Variants in NRCAM observed in about 807,000 individuals in gnomAD.
The protein encoded by NRCAM is NgCAM-related cell adhesion molecule.
In NRCAM, 83 loss-of-function variants were observed where a neutral mutation model predicts 156.5. The observed-to-expected ratio is 0.53, with a 90% CI of 0.44 to 0.64. The LOEUF (loss-of-function observed/expected upper bound fraction) is 0.64, where lower values mean the gene tolerates loss of function less well. Among genes scored for constraint, NRCAM ranks in the 30% least tolerant of loss-of-function variants. NRCAM has a pLI of 0.00. For synonymous variants in NRCAM, 538 were observed against 563.9 expected, an observed-to-expected ratio of 0.95 and a Z score of 0.65; for missense variants, 1,417 against 1,597.3, an observed-to-expected ratio of 0.89 and a Z score of 1.92.
At chr7:108,414,480 T>C (rs1799082016) in intron 1 of NRCAM, among the ~76,000 whole-genome samples, 2 of 152,086 alleles carry the variant, frequency 1.3e-5, no homozygotes, top group South Asian at 2.1e-4. Context: ...CACTCTACAT[T>C]AGACTAGCCC....
intron 2 of NRCAM, among the ~76,000 whole-genome samples, chr7:108,376,700 A>G (rs1355409107): frequency 6.6e-6 from 1 of 152,210 alleles, no homozygotes; most frequent in East Asian, 1.9e-4. Flanking sequence ...CTAGGCAAGG[A>G]CAGTATGGGA....
At chr7:108,348,491 G>C (rs2099386409) in intron 2 of NRCAM, among the ~76,000 whole-genome samples, 1 of 152,196 alleles carries the variant, frequency 6.6e-6, no homozygotes, top group African/African-American at 2.4e-5. Context: ...CAGGATAAAA[G>C]GAGTATTTTA....
chr7:108,435,004 G>C (rs1830355613), intron 1 of NRCAM, among the ~76,000 whole-genome samples: 1 of 143,952 alleles, frequency 6.9e-6, no homozygotes, highest in Non-Finnish European at 1.5e-5. Flanking sequence ...GACAAGTAAA[G>C]AAAAAGAAAG....
chr7:108,204,095 G>A (rs944121545), intron 13 of NRCAM, among the ~76,000 whole-genome samples: 1 of 152,196 alleles, frequency 6.6e-6, no homozygotes, highest in South Asian at 2.1e-4. Context: ...CTGGTGCTCC[G>A]TTTCCAGGAT....
chr7:108,240,096 A>G lies in NRCAM; in HGVS notation c.-32T>C. ...AACTCCTGCTGAGACTCACACACTG[A>G]ATTTCCTTTTCTTCTTTCACAAAAG... On this transcript the variant is annotated 5_prime_UTR_variant, in exon 4 of 33. Coordinates refer to ENST00000379028, the MANE Select transcript of NRCAM (RefSeq NM_001037132.4). 1 of 1,457,124 alleles carries G rather than the reference A, an allele frequency of 6.9e-7. No individual in the cohort carries two copies. Among genetic ancestry groups the G allele is most frequent in the Non-Finnish European group, 9.6e-7 (1 of 1,046,622 alleles). 90.3% of individuals were successfully genotyped at this position (1,457,124 alleles called of 1,614,324 possible).
rs75112229 is a variant in NRCAM at position 108,380,407 on chromosome 7, T to C, written c.-174+19029A>G. Reference sequence around the variant, plus strand: ...CCTTTAGCTGCACCATGTGCAGCTATTGAGTTTTAAACTTCGGTTATTTGT... The same window carrying C: ...CCTTTAGCTGCACCATGTGCAGCTACTGAGTTTTAAACTTCGGTTATTTGT... On this transcript the variant is annotated intron_variant, in intron 2 of 32. Transcript: ENST00000379028. 7.7e-3 allele frequency among the ~76,000 whole-genome samples: 1,175 copies of C among 152,314 alleles called. 9 individuals are homozygous for C. Among genetic ancestry groups the C allele is most frequent in the African/African-American group, 0.02 (831 of 41,572 alleles).
chr7:108,294,393 T>C (rs2098411452), intron 3 of NRCAM, among the ~76,000 whole-genome samples: 5 of 152,018 alleles, frequency 3.3e-5, no homozygotes, highest in Admixed American at 2.6e-4. Context: ...TCTTTCTCCC[T>C]GTTGCAGTTC....
At chr7:108,157,005 G>A (rs900699824) in intron 32 of NRCAM, among the ~76,000 whole-genome samples, 3 of 152,214 alleles carry the variant, frequency 2.0e-5, no homozygotes, top group East Asian at 3.9e-4. Flanking sequence ...GGACAAAGCC[G>A]TATCTTTGTA....
intron 2 of NRCAM, among the ~76,000 whole-genome samples, chr7:108,384,459 AC>A (rs2099728745): frequency 2.0e-5 from 3 of 152,174 alleles, no homozygotes; most frequent in Non-Finnish European, 4.4e-5. Flanking sequence ...TTGTATTTGA[AC>A]TTTTAAAAAC....
At chr7:108,212,004 CTG>C (rs2084808744) in intron 11 of NRCAM, among the ~76,000 whole-genome samples, 1 of 152,218 alleles carries the variant, frequency 6.6e-6, no homozygotes, top group Admixed American at 6.5e-5. Flanking sequence ...TTTCAACCCC[CTG>C]CCACCTCCAC....
intron 2 of NRCAM, among the ~76,000 whole-genome samples, chr7:108,396,688 T>G (rs2099777825): frequency 6.6e-6 from 1 of 152,236 alleles, no homozygotes; most frequent in Admixed American, 6.5e-5. Context: ...AAAGATCACC[T>G]GTAAATATGA....
intron 11 of NRCAM, among the ~76,000 whole-genome samples, chr7:108,210,041 T>C (rs1011261977): frequency 6.6e-6 from 1 of 152,236 alleles, no homozygotes; most frequent in Non-Finnish European, 1.5e-5. Context: ...AACATATCTA[T>C]GACCATAAAC....
intron 2 of NRCAM, among the ~76,000 whole-genome samples, chr7:108,375,686 T>C (rs1355722882): frequency 6.6e-6 from 1 of 152,206 alleles, no homozygotes; most frequent in Admixed American, 6.6e-5. Flanking sequence ...TAATCTTATA[T>C]ACAGCCAAAG....
chr7:108,412,545 T>C (rs1563692192), intron 1 of NRCAM, among the ~76,000 whole-genome samples: 1 of 152,212 alleles, frequency 6.6e-6, no homozygotes, highest in Non-Finnish European at 1.5e-5. Flanking sequence ...ATATTTATCA[T>C]TTTTATGGTA....
intron 1 of NRCAM, among the ~76,000 whole-genome samples, chr7:108,407,637 T>C (rs1011315445): frequency 3.9e-5 from 6 of 152,252 alleles, no homozygotes; most frequent in Admixed American, 6.5e-5. Context: ...GTCTGCCTGA[T>C]TGGAAGGGAA....
intron 26 of NRCAM, among the ~76,000 whole-genome samples, chr7:108,177,681 ACG>A (rs2061388327): frequency 4.7e-5 from 1 of 21,392 alleles, no homozygotes; most frequent in African/African-American, 7.2e-5. Flanking sequence ...GTATATATAT[ACG>A]TGTATATATA....
intron 1 of NRCAM, among the ~76,000 whole-genome samples, chr7:108,408,842 G>T (rs565860877): frequency 2.0e-5 from 3 of 152,200 alleles, no homozygotes; most frequent in Non-Finnish European, 4.4e-5. Context: ...CCCTCATTCA[G>T]TAAGAAATGT....
At chr7:108,158,706 G>T (rs968781620) in intron 32 of NRCAM, among the ~76,000 whole-genome samples, 1 of 151,866 alleles carries the variant, frequency 6.6e-6, no homozygotes, top group African/African-American at 2.4e-5. Context: ...ATTTTAAAAA[G>T]GTATACTTTT....
chr7:108,277,419 A>G (rs7458208), intron 3 of NRCAM, among the ~76,000 whole-genome samples: 34,172 of 151,912 alleles, frequency 0.22, 4,180 homozygotes, highest in Non-Finnish European at 0.28. Flanking sequence ...TATTTCTTGG[A>G]GGCTTTGTTC....
Sources: allele counts gnomAD v4.1 joint callset (sites outside exome capture counted in the v4.1 genomes callset), GRCh38; gene constraint gnomAD v4.1.1; transcripts MANE v1.5; gene names NCBI Gene and HGNC (gene_info 2026-07-23, HGNC 2026-07-21).